Variants in DACH2 observed in about 807,000 individuals in gnomAD.
DACH2 encodes dachshund homolog 2.
In DACH2, 17 loss-of-function variants were observed where a neutral mutation model predicts 35.8. That is an observed-to-expected ratio of 0.48 (90% confidence interval 0.33 to 0.71). The LOEUF (loss-of-function observed/expected upper bound fraction) is 0.71, where lower values mean the gene tolerates loss of function less well. Among genes scored for constraint, DACH2 ranks in the 30% least tolerant of loss-of-function variants. The pLI is 0.02. For synonymous variants in DACH2, 195 were observed against 177.3 expected (o/e 1.10, Z -0.79); for missense variants, 469 against 472.7 (o/e 0.99, Z 0.07).
rs768088355 is a variant in DACH2, at chrX:86,396,488, C to G, written c.527+19626C>G. On this transcript the variant is annotated intron_variant, in intron 2 of 11. Coordinates refer to ENST00000373125, the MANE Select transcript of DACH2 (RefSeq NM_053281.3). ...CATGCCTATGTCCTGAATGGTAATG[C>G]CTAGGTTTTCTTCTAGGGTTTTTAT... Among the ~76,000 whole-genome samples, 21 of 98,159 alleles carry G rather than the reference C, an allele frequency of 2.1e-4. No homozygotes were observed. The South Asian group carries it at 9.7e-3, about 45-fold the overall frequency. 85.2% of individuals were successfully genotyped at this position (98,159 alleles called of 115,157 possible).
intron 1 of DACH2, among the ~76,000 whole-genome samples, chrX:86,233,148 G>A (rs2032985242): frequency 1.8e-5 from 2 of 111,385 alleles, no homozygotes; most frequent in Middle Eastern, 9.3e-3. Context: ...ATGAGAACAT[G>A]TGGACACATA....
intron 1 of DACH2, among the ~76,000 whole-genome samples, chrX:86,186,085 C>A (rs2031673408): frequency 8.9e-6 from 1 of 112,652 alleles, no homozygotes; most frequent in Admixed American, 9.4e-5. Flanking sequence ...GCCAGGAATT[C>A]TCTGACACCA....
rs1381382874 is a variant in DACH2 at position 86,375,406 on chromosome X, T to C, written c.489-1418T>C. 4.0e-5 allele frequency among the ~76,000 whole-genome samples: 4 copies of C among 100,819 alleles called. No individual in the cohort carries two copies. The Admixed American group carries it at 4.6e-4, about 12-fold the overall frequency. 87.5% of individuals were successfully genotyped at this position (100,819 alleles called of 115,157 possible). ...TAATACATATATATATATATACATATATATATGTATATATATATAGTGGTA... is the reference window on the plus strand; with the variant it reads ...TAATACATATATATATATATACATACATATATGTATATATATATAGTGGTA... On this transcript the variant is annotated intron_variant, in intron 1 of 11. Transcript: ENST00000373125.
chrX:86,665,468 T>C (rs761594470), intron 4 of DACH2, among the ~76,000 whole-genome samples: 1 of 111,732 alleles, frequency 8.9e-6, no homozygotes, highest in Non-Finnish European at 1.9e-5. Context: ...GTTTTCAGTC[T>C]AGTGAGCCTA....
intron 2 of DACH2, among the ~76,000 whole-genome samples, chrX:86,390,369 G>A (rs1198499513): frequency 9.0e-6 from 1 of 111,001 alleles, no homozygotes; most frequent in Non-Finnish European, 1.9e-5. Context: ...TACAGGAGGC[G>A]GGAGAAGGGG....
intron 1 of DACH2, among the ~76,000 whole-genome samples, chrX:86,165,535 G>A (rs1453046039): frequency 9.0e-6 from 1 of 111,050 alleles, no homozygotes. Flanking sequence ...ATTGGGGTGA[G>A]AGGGTATCTC....
At chrX:86,159,504 T>C (rs983487807) in intron 1 of DACH2, among the ~76,000 whole-genome samples, 1 of 112,009 alleles carries the variant, frequency 8.9e-6, no homozygotes, top group Middle Eastern at 4.7e-3. Context: ...AATTTGTTCA[T>C]AGAAAAAAAA....
At chrX:86,348,210 A>G (rs1349893739) in intron 1 of DACH2, among the ~76,000 whole-genome samples, 1 of 111,719 alleles carries the variant, frequency 9.0e-6, no homozygotes, top group Non-Finnish European at 1.9e-5. Context: ...AGAACCTCCT[A>G]CACAAACCCT....
intron 1 of DACH2, among the ~76,000 whole-genome samples, chrX:86,302,478 C>A (rs1461429113): frequency 9.0e-6 from 1 of 111,289 alleles, no homozygotes; most frequent in East Asian, 2.8e-4. Context: ...TTTGCCCATT[C>A]TTTTTATATT....
intron 1 of DACH2, among the ~76,000 whole-genome samples, chrX:86,171,423 A>G (rs1359445031): frequency 9.3e-6 from 1 of 107,964 alleles, no homozygotes; most frequent in African/African-American, 3.4e-5. Flanking sequence ...GGACTTGCCT[A>G]AGTGTTGCAG....
At chrX:86,372,188 A>G (rs761752271) in intron 1 of DACH2, among the ~76,000 whole-genome samples, 3 of 111,449 alleles carry the variant, frequency 2.7e-5, no homozygotes, top group Non-Finnish European at 5.7e-5. Context: ...ATCTGATGCA[A>G]CTTGCTTTAG....
intron 1 of DACH2, among the ~76,000 whole-genome samples, chrX:86,366,042 A>G (rs1332558971): frequency 9.0e-6 from 1 of 111,717 alleles, no homozygotes; most frequent in Non-Finnish European, 1.9e-5. Flanking sequence ...AGAAAGTTTC[A>G]CAGCTCTTTT....
intron 1 of DACH2, among the ~76,000 whole-genome samples, chrX:86,337,999 A>T (rs191226174): frequency 2.2e-3 from 245 of 112,258 alleles, no homozygotes; most frequent in Middle Eastern, 4.6e-3. Flanking sequence ...TTAAGGGATT[A>T]ATGCAACAAG....
chrX:86,428,421 G>C (rs1483441815), intron 2 of DACH2, among the ~76,000 whole-genome samples: 1 of 111,671 alleles, frequency 9.0e-6, no homozygotes, highest in Non-Finnish European at 1.9e-5. Flanking sequence ...TTAAAGTGCT[G>C]CTTTGGTTTT....
intron 3 of DACH2, among the ~76,000 whole-genome samples, chrX:86,582,546 G>A (rs749803009): frequency 1.6e-4 from 18 of 110,003 alleles, no homozygotes; most frequent in Admixed American, 3.9e-4. Flanking sequence ...AGAAATGCAT[G>A]CACACACACA....
At chrX:86,238,911 CATG>C (rs1197653762) in intron 1 of DACH2, among the ~76,000 whole-genome samples, 1 of 110,898 alleles carries the variant, frequency 9.0e-6, no homozygotes, top group Non-Finnish European at 1.9e-5. Context: ...AAATGTAAAT[CATG>C]ATAAGATAAT....
chrX:86,173,221 G>C (rs1028452156), intron 1 of DACH2, among the ~76,000 whole-genome samples: 1 of 111,540 alleles, frequency 9.0e-6, no homozygotes, highest in Non-Finnish European at 1.9e-5. Context: ...TAGGTGCTTG[G>C]GATACATCTA....
chrX:86,306,900 T>C (rs913050679), intron 1 of DACH2, among the ~76,000 whole-genome samples: 1 of 111,495 alleles, frequency 9.0e-6, no homozygotes, highest in Non-Finnish European at 1.9e-5. Flanking sequence ...TTTCCCTTGG[T>C]TTTGGGGTTT....
intron 6 of DACH2, 137 bp from the exon 7 acceptor site, chrX:86,739,610 T>C: frequency 1.4e-5 from 8 of 583,088 alleles, no homozygotes; most frequent in Non-Finnish European, 2.0e-5. Flanking sequence ...TTTAAATATA[T>C]GTATTTAAGA....
Sources: gnomAD v4.1 joint callset for allele counts (sites outside exome capture counted in the v4.1 genomes callset) on GRCh38, gnomAD v4.1.1 for gene constraint, MANE v1.5 for transcripts, NCBI Gene and HGNC (gene_info 2026-07-23, HGNC 2026-07-21) for gene names.